Variants in BRIP1 observed in about 807,000 individuals in gnomAD.
The protein encoded by BRIP1 is BRCA1 interacting DNA helicase 1.
BRIP1 carries 88 observed loss-of-function variants against 119.7 expected under a neutral mutation model. The ratio of observed to expected loss-of-function variants is 0.74; its 90% confidence interval spans 0.62 to 0.88. The LOEUF is 0.88. Among genes scored for constraint, BRIP1 ranks in the 40% least tolerant of loss-of-function variants. The pLI, the probability that BRIP1 is intolerant of heterozygous loss-of-function variation, is 0.00. For synonymous variants in BRIP1, 443 were observed against 496.5 expected (o/e 0.89, Z 1.43); for missense variants, 1,259 against 1,455.4 (o/e 0.87, Z 2.20).
chr17:61,849,476 A>AT lies in BRIP1; in HGVS notation c.380-221dup, dbSNP rs141367697. On this transcript the variant is annotated intron_variant, in intron 4 of 19. Coordinates refer to ENST00000259008, the MANE Select transcript of BRIP1 (RefSeq NM_032043.3). ...CTTTCAATAGGAAAAGTCCAATTTG[A>AT]TTTTTTAAATCGCCTTATGTACTTG... Among the ~76,000 whole-genome samples, 54,177 of 151,960 alleles carry AT rather than the reference A, an allele frequency of 0.36. 10,003 individuals carry two copies. The highest frequency in any genetic ancestry group is 0.39 in the Non-Finnish European group (26,713 of 67,954).
intron 6 of BRIP1, among the ~76,000 whole-genome samples, chr17:61,811,443 G>A (rs545617420): frequency 3.3e-5 from 5 of 151,724 alleles, no homozygotes; most frequent in African/African-American, 9.7e-5. Context: ...AGCTGGTCTC[G>A]AACTCCCGAA....
At position 61,758,783 on chromosome 17, in the gene BRIP1, G is replaced by T. The variant is rs2077233934; in HGVS notation, c.2098-14192C>A. On this transcript the variant is annotated intron_variant, in intron 14 of 19. Transcript: ENST00000259008. This position sits in a 1 kb window ranked among gnomAD's most constrained non-coding sequence, Gnocchi z 5.3. ...AAGGATTGCTTGAGGCCAAAGGATT[G>T]CTTGAAGCCAGGAGTTTAAGACCAG... Among the ~76,000 whole-genome samples the T allele has an allele frequency of 6.6e-6, 1 of 151,706 alleles. No individual in the cohort carries two copies. Among genetic ancestry groups the T allele is most frequent in the Admixed American group, 6.6e-5 (1 of 15,214 alleles).
rs199831248 is a variant in BRIP1 at position 61,693,508 on chromosome 17, T to C, written c.2497A>G (p.Ile833Val). Residue 833 changes from isoleucine to valine, a missense_variant, in exon 18 of 20, where the codon ATT becomes GTT. Ile to Val is a conservative substitution (Grantham distance 29). This residue lies in a region of BRIP1 where 753 missense variants were observed against 891.8 expected (regional missense o/e 0.84). Coordinates refer to ENST00000259008, the MANE Select transcript of BRIP1 (RefSeq NM_032043.3). The surrounding 1 kb of genome is among the most constrained non-coding windows in gnomAD (Gnocchi z 4.2). ...RALNQALGRC[I>V]RHRNDWGALI... is the part of the protein sequence containing the mutation. The stretch of plus-strand genomic sequence containing the variant: ...GCTCCCCAATCATTTCTGTGTCTAA[T>C]ACATCTAGAAAAAATAGGGAAAAAG... 1.2e-6 allele frequency: 2 copies of C among 1,611,092 alleles called. No individual in the cohort carries two copies. Among genetic ancestry groups the C allele is most frequent in the South Asian group, 1.1e-5 (1 of 90,984 alleles).
chr17:61,827,225 A>G lies in BRIP1; in HGVS notation c.628-18468T>C, dbSNP rs57731409. ...TATAAGTAGGAGCTAAATCATGAGA[A>G]CATATGGAAACATAAAGGGGAAAAA... On this transcript the variant is annotated intron_variant, in intron 6 of 19. Coordinates refer to ENST00000259008, the MANE Select transcript of BRIP1 (RefSeq NM_032043.3). The surrounding 1 kb of genome is among the most constrained non-coding windows in gnomAD (Gnocchi z 5.8). Among the ~76,000 whole-genome samples the G allele has an allele frequency of 9.2e-3, 1,406 of 152,256 alleles. 17 individuals carry two copies. The highest frequency in any genetic ancestry group is 0.032 in the African/African-American group (1,318 of 41,530).
intron 16 of BRIP1, among the ~76,000 whole-genome samples, chr17:61,732,994 G>A (rs530034118): frequency 4.6e-5 from 7 of 152,204 alleles, no homozygotes; most frequent in South Asian, 2.1e-4. Context: ...GCACACGGCC[G>A]TCATTAACAT....
At chr17:61,765,010 A>C (rs1318616685) in intron 14 of BRIP1, among the ~76,000 whole-genome samples, 1 of 152,038 alleles carries the variant, frequency 6.6e-6, no homozygotes, top group Non-Finnish European at 1.5e-5. Context: ...CCTTTAAAAA[A>C]TAAAGGAGCT....
chr17:61,836,743 C>G (rs569903783), intron 6 of BRIP1, among the ~76,000 whole-genome samples: 1 of 152,182 alleles, frequency 6.6e-6, no homozygotes, highest in South Asian at 2.1e-4. Flanking sequence ...TTTGGGTAAG[C>G]ATTGTAAATG....
In BRIP1 at chr17:61,683,424, C is replaced by G. The variant is rs760589795; in HGVS notation, c.3622G>C (p.Asp1208His). 5.0e-6 allele frequency: 8 copies of G among 1,613,618 alleles called. No individual in the cohort carries two copies. The highest frequency in any genetic ancestry group is 6.8e-6 in the Non-Finnish European group (8 of 1,179,796). Residue 1208 changes from aspartate (D) to histidine (H), a missense_variant, in exon 20 of 20, where the codon GAC becomes CAC. By Grantham distance (81) the Asp-to-His change is moderately conservative. This residue lies in a region of BRIP1 where 753 missense variants were observed against 891.8 expected (regional missense o/e 0.84). Coordinates refer to ENST00000259008, the MANE Select transcript of BRIP1 (RefSeq NM_032043.3). This position sits in a 1 kb window ranked among gnomAD's most constrained non-coding sequence, Gnocchi z 4.7. ...GTTGTTTTTACATTACCATCAATGT[C>G]ATCAATTTTACTTTCTTCAATATGC... is the stretch of plus-strand genomic sequence containing the variant. ...ILHIEESKIDDIDGNVKTTWI... is the reference protein window; with the variant it reads ...ILHIEESKIDHIDGNVKTTWI...
At chr17:61,847,035 C>A in intron 6 of BRIP1, 66 bp downstream of exon 6, 1 of 1,593,314 alleles carries the variant, frequency 6.3e-7, no homozygotes, top group South Asian at 1.1e-5. Context: ...CCTCTTTTGT[C>A]AAAAATTGGT....
At chr17:61,849,590 A>C (rs2078787707) in intron 4 of BRIP1, among the ~76,000 whole-genome samples, 1 of 152,184 alleles carries the variant, frequency 6.6e-6, no homozygotes, top group Non-Finnish European at 1.5e-5. Flanking sequence ...ATCTTTCTTT[A>C]CAGTATCAAC....
Position 61,831,263 on chromosome 17 carries a change from T to G in BRIP1, c.627+15838A>C, listed in dbSNP as rs929454973. Among the ~76,000 whole-genome samples the G allele has an allele frequency of 6.6e-6, 1 of 152,136 alleles. No individual in the cohort carries two copies. The highest frequency in any genetic ancestry group is 1.5e-5 in the Non-Finnish European group (1 of 68,024). On this transcript the variant is annotated intron_variant, in intron 6 of 19. Transcript: ENST00000259008. The surrounding 1 kb of genome is among the most constrained non-coding windows in gnomAD (Gnocchi z 4.1). ...CACTCTAATTCAGCCTTGTACTGCA[T>G]GAAAGGTAAACACTGTAAAGGAAGA...
At chr17:61,811,224 T>C (rs557875892) in intron 6 of BRIP1, among the ~76,000 whole-genome samples, 1 of 152,178 alleles carries the variant, frequency 6.6e-6, no homozygotes, top group South Asian at 2.1e-4. Flanking sequence ...TTGTTTTTCT[T>C]TTTGTTTTGC....
intron 10 of BRIP1, among the ~76,000 whole-genome samples, chr17:61,786,253 A>G (rs2077705452): frequency 6.6e-6 from 1 of 151,806 alleles, no homozygotes; most frequent in African/African-American, 2.4e-5. Context: ...GTGCGTGTCT[A>G]AAGGAGCTAA....
At chr17:61,784,455 G>A (rs763703623) in intron 10 of BRIP1, 31 bp from the exon 11 acceptor site, 1 of 1,582,092 alleles carries the variant, frequency 6.3e-7, no homozygotes, top group Admixed American at 1.7e-5. Context: ...AAGTATAGAG[G>A]GGTTGGGAGG....
chr17:61,786,833 A>G (rs1435604254), intron 10 of BRIP1, among the ~76,000 whole-genome samples: 2 of 127,200 alleles, frequency 1.6e-5, no homozygotes, highest in Non-Finnish European at 3.2e-5. Context: ...TATATTTTAT[A>G]TAATATATTT....
chr17:61,812,104 T>C (rs1248007883), intron 6 of BRIP1, among the ~76,000 whole-genome samples: 1 of 152,064 alleles, frequency 6.6e-6, no homozygotes, highest in Non-Finnish European at 1.5e-5. Flanking sequence ...CTAAGAAAAC[T>C]AGAGGAAGGA....
At position 61,774,025 on chromosome 17, in the gene BRIP1, T is replaced by C. The variant is rs1169094568; in HGVS notation, c.2097+2376A>G. Among the ~76,000 whole-genome samples the C allele has an allele frequency of 6.6e-6, 1 of 152,176 alleles. No homozygotes were observed. The highest frequency in any genetic ancestry group is 1.9e-4 in the East Asian group (1 of 5,190). On this transcript the variant is annotated intron_variant, in intron 14 of 19. Transcript: ENST00000259008. This position sits in a 1 kb window ranked among gnomAD's most constrained non-coding sequence, Gnocchi z 5.8. ...AGTTCAACCATTGTGGAAGACAGTG[T>C]GGCGATTCCTCAAGGATCTAAAACT...
Position 61,844,196 on chromosome 17 carries a change from T to C in BRIP1, c.627+2905A>G, listed in dbSNP as rs2078696695. Among the ~76,000 whole-genome samples, 1 of 152,200 alleles carries C rather than the reference T, an allele frequency of 6.6e-6. No individual in the cohort carries two copies. The highest frequency in any genetic ancestry group is 2.4e-5 in the African/African-American group (1 of 41,458). On this transcript the variant is annotated intron_variant, in intron 6 of 19. Transcript: ENST00000259008. This position sits in a 1 kb window ranked among gnomAD's most constrained non-coding sequence, Gnocchi z 4.7. Reference sequence around the variant, plus strand: ...CTCTCACCTTGGCCTCCCAAAGTGCTGAGATTATAGGCATGAGCCATGATG... The same window carrying C: ...CTCTCACCTTGGCCTCCCAAAGTGCCGAGATTATAGGCATGAGCCATGATG...
Position 61,822,359 on chromosome 17 carries a change from C to T in BRIP1, c.628-13602G>A, listed in dbSNP as rs12937567. On this transcript the variant is annotated intron_variant, in intron 6 of 19. Transcript: ENST00000259008. The surrounding 1 kb of genome is among the most constrained non-coding windows in gnomAD (Gnocchi z 4.4). ...AACAATATACAGGGTAGAGATACTA[C>T]CAAAAGGAGAAGTAACTAGTTTTTC... Among the ~76,000 whole-genome samples the T allele has an allele frequency of 2.0e-5, 3 of 152,086 alleles. No individual in the cohort carries two copies. Among genetic ancestry groups the T allele is most frequent in the African/African-American group, 7.2e-5 (3 of 41,490 alleles).
Sources: gnomAD v4.1 joint callset for allele counts (sites outside exome capture counted in the v4.1 genomes callset) on GRCh38, gnomAD v4.1.1 for gene constraint, gnomAD v4.1.1 regional missense constraint, Gnocchi (gnomAD v3.1) non-coding constraint, MANE v1.5 for transcripts, NCBI Gene and HGNC (gene_info 2026-07-23, HGNC 2026-07-21) for gene names.